Variants in WNT7B observed in about 807,000 individuals in gnomAD.
The protein encoded by WNT7B is protein Wnt-7b.
In WNT7B, 19 loss-of-function variants were observed where a neutral mutation model predicts 38.2. That is an observed-to-expected ratio of 0.50 (90% CI 0.35 to 0.73). The LOEUF (loss-of-function observed/expected upper bound fraction) is 0.73. Ranked by LOEUF, WNT7B falls within the 30% of genes least tolerant of loss-of-function variation. The pLI, the probability that WNT7B is intolerant of heterozygous loss-of-function variation, is 0.01. For synonymous variants in WNT7B, 243 were observed against 209.3 expected, an observed-to-expected ratio of 1.16 and a Z score of -1.39; for missense variants, 423 against 507.9, an observed-to-expected ratio of 0.83 and a Z score of 1.61.
intron 3 of WNT7B, chr22:45,926,783 G>T: frequency 1.0e-6 from 1 of 985,420 alleles, no homozygotes; most frequent in Non-Finnish European, 1.2e-6. Context: ...CCACAGAGTG[G>T]ACTGAATGTG....
At chr22:45,925,784 C>T (rs895294337) in intron 3 of WNT7B, 20 of 985,296 alleles carry the variant, frequency 2.0e-5, no homozygotes, top group African/African-American at 1.7e-5. Flanking sequence ...AGTTCCCAGC[C>T]GGGAGAAGTT....
chr22:45,948,436 C>T (rs576634752), intron 2 of WNT7B, among the ~76,000 whole-genome samples: 108 of 152,328 alleles, frequency 7.1e-4, no homozygotes, highest in South Asian at 3.5e-3. Context: ...TTTTCCCCTG[C>T]GCCACCCCCA....
chr22:45,931,645 C>T (rs1201861623), intron 2 of WNT7B, among the ~76,000 whole-genome samples: 1 of 151,840 alleles, frequency 6.6e-6, no homozygotes, highest in Non-Finnish European at 1.5e-5. Context: ...TGCGACTGCC[C>T]TCCAGCATGC....
intron 3 of WNT7B, among the ~76,000 whole-genome samples, chr22:45,930,192 C>G (rs1477080742): frequency 6.6e-6 from 1 of 152,276 alleles, no homozygotes; most frequent in Admixed American, 6.5e-5. Flanking sequence ...CCAGTTCCCA[C>G]AGCCAGGGCC....
At chr22:45,972,410 G>A (rs908302627) in intron 1 of WNT7B, 4 of 272,784 alleles carry the variant, frequency 1.5e-5, no homozygotes, top group Non-Finnish European at 2.0e-5. Context: ...CGCTAGGGCC[G>A]CGCATGGCGC....
chr22:45,927,376 C>G, intron 3 of WNT7B: 2 of 1,501,650 alleles, frequency 1.3e-6, no homozygotes, highest in Non-Finnish European at 1.8e-6. Context: ...GGGCGGGCCT[C>G]CAGACTCTGC....
intron 2 of WNT7B, among the ~76,000 whole-genome samples, chr22:45,941,955 G>A (rs1296118876): frequency 1.3e-5 from 2 of 152,278 alleles, no homozygotes; most frequent in African/African-American, 4.8e-5. Context: ...AGGGATGCAG[G>A]GTGGGGTGGG....
At chr22:45,927,570 A>C (rs1223772946) in intron 3 of WNT7B, 4 of 1,224,724 alleles carry the variant, frequency 3.3e-6, no homozygotes, top group Non-Finnish European at 4.7e-6. Flanking sequence ...TTGTCCAAGT[A>C]GGCCCTAAAT....
chr22:45,923,291 C>T lies in WNT7B; in HGVS notation c.615G>A (p.Val205=), dbSNP rs1930984229. 4 of 1,612,282 alleles carry T rather than the reference C, an allele frequency of 2.5e-6. No homozygotes were observed. The highest frequency in any genetic ancestry group is 4.5e-5 in the East Asian group (2 of 44,864). The change falls in exon 4 of 4, where the codon GTG becomes GTA. Residue 205 remains valine, a synonymous_variant. Coordinates refer to ENST00000339464, the MANE Select transcript of WNT7B (RefSeq NM_058238.3). ...RMQLECKCHG[V]SGSCTTKTCW... Reference sequence around the variant, plus strand: ...AGGTTTTGGTGGTGCAGGAGCCAGACACGCCGTGGCACTTGCACTCCAGCT... The same window carrying T: ...AGGTTTTGGTGGTGCAGGAGCCAGATACGCCGTGGCACTTGCACTCCAGCT...
chr22:45,940,465 C>T (rs775388465), intron 2 of WNT7B, among the ~76,000 whole-genome samples: 4 of 152,308 alleles, frequency 2.6e-5, no homozygotes, highest in South Asian at 2.1e-4. Flanking sequence ...TCTACACACG[C>T]GCGACACTGC....
intron 3 of WNT7B, chr22:45,926,677 C>T (rs148234607): frequency 2.4e-5 from 24 of 983,322 alleles, no homozygotes; most frequent in Middle Eastern, 1.0e-3. Context: ...CAGCACCTCC[C>T]ATGCTGGCCG....
rs952538033 is a variant in WNT7B, at chr22:45,922,650, G to T, written c.*206C>A. Reference sequence around the variant, plus strand: ...TCACGGGTGCTGTTCTGCCGCAGGAGGTGATGGGAGGAGGTGGCAGGAAGG... The same window carrying T: ...TCACGGGTGCTGTTCTGCCGCAGGATGTGATGGGAGGAGGTGGCAGGAAGG... On this transcript the variant is annotated 3_prime_UTR_variant, in exon 4 of 4. Coordinates refer to ENST00000339464, the MANE Select transcript of WNT7B (RefSeq NM_058238.3). 2 of 789,372 alleles carry T rather than the reference G, an allele frequency of 2.5e-6. No homozygotes were observed. The highest frequency in any genetic ancestry group is 3.5e-5 in the African/African-American group (2 of 57,500). 48.9% of individuals were successfully genotyped at this position (789,372 alleles called of 1,614,324 possible).
At chr22:45,929,618 A>ACCTG (rs1931235060) in intron 3 of WNT7B, among the ~76,000 whole-genome samples, 1 of 142,272 alleles carries the variant, frequency 7.0e-6, no homozygotes, top group African/African-American at 2.7e-5. Flanking sequence ...CTGCCCATAC[A>ACCTG]CCCATCCTTC....
rs1179649205 is a variant in WNT7B at position 45,976,109 on chromosome 22, C to T, written c.71+575G>A. 1.2e-4 allele frequency: 17 copies of T among 145,484 alleles called. No homozygotes were observed. The highest frequency in any genetic ancestry group is 3.4e-4 in the African/African-American group (14 of 40,630). The allele number at this position is 145,484 out of a possible 1,614,324, so 9.0% of individuals were successfully genotyped here. ...GCCCCGGACCGAGCCCGAGGCGGCC[C>T]GGCCGGCCCCACGGCCCATCCCGAG... is the stretch of plus-strand genomic sequence containing the variant. On this transcript the variant is annotated intron_variant, in intron 1 of 3. Coordinates refer to ENST00000339464, the MANE Select transcript of WNT7B (RefSeq NM_058238.3). The surrounding 1 kb of genome is among the most constrained non-coding windows in gnomAD (Gnocchi z 8.5).
intron 3 of WNT7B, 116 bp from the exon 4 acceptor site, chr22:45,923,451 G>A (rs1930990643): frequency 5.0e-6 from 7 of 1,410,506 alleles, no homozygotes; most frequent in Non-Finnish European, 6.5e-6. Context: ...TGGGCTGTGT[G>A]ACCACAGGTG....
intron 1 of WNT7B, chr22:45,954,852 C>A: frequency 4.0e-6 from 3 of 744,614 alleles, no homozygotes; most frequent in Non-Finnish European, 4.9e-6. Flanking sequence ...ATCATTTAAT[C>A]CTCACCTTGC....
In WNT7B at chr22:45,965,551, A is replaced by C. The variant is rs2146749375; in HGVS notation, c.71+11133T>G. 6.6e-6 allele frequency among the ~76,000 whole-genome samples: 1 copy of C among 152,168 alleles called. No individual in the cohort carries two copies. The highest frequency in any genetic ancestry group is 1.9e-4 in the East Asian group (1 of 5,152). On this transcript the variant is annotated intron_variant, in intron 1 of 3. Coordinates refer to ENST00000339464, the MANE Select transcript of WNT7B (RefSeq NM_058238.3). This position sits in a 1 kb window ranked among gnomAD's most constrained non-coding sequence, Gnocchi z 6.5. ...GGGAAACTGAGGCCCAGAGAAGGGG[A>C]GGGATACCCTCAAGGTTGCCGCAAG...
intron 1 of WNT7B, among the ~76,000 whole-genome samples, chr22:45,960,481 G>A (rs1932171542): frequency 6.6e-6 from 1 of 152,068 alleles, no homozygotes; most frequent in Non-Finnish European, 1.5e-5. Flanking sequence ...CCCCCCAGCT[G>A]AGGGAGCATG....
intron 1 of WNT7B, among the ~76,000 whole-genome samples, chr22:45,967,552 G>A (rs559092846): frequency 2.0e-5 from 3 of 152,228 alleles, no homozygotes; most frequent in East Asian, 1.9e-4. Flanking sequence ...ACCCACAACC[G>A]AGCCCTCTAC....
Sources: gnomAD v4.1 joint callset for allele counts (sites outside exome capture counted in the v4.1 genomes callset) on GRCh38, gnomAD v4.1.1 for gene constraint, Gnocchi (gnomAD v3.1) non-coding constraint, MANE v1.5 for transcripts, NCBI Gene and HGNC (gene_info 2026-07-23, HGNC 2026-07-21) for gene names.